The following ELOVL2 variants were observed in gnomAD, a reference collection of about 807,000 sequenced individuals.
ELOVL2 encodes the protein ELOVL fatty acid elongase 2.
A neutral mutation model predicts 37.7 loss-of-function variants in ELOVL2; 38 were observed. That is an observed-to-expected ratio of 1.01 (90% CI 0.78 to 1.32). The LOEUF (loss-of-function observed/expected upper bound fraction) is 1.32. Among genes scored for constraint, ELOVL2 ranks in the 40% most tolerant of loss-of-function variants. ELOVL2 has a pLI of 0.00. For synonymous variants in ELOVL2, 115 were observed against 122.3 expected, an observed-to-expected ratio of 0.94 and a Z score of 0.40; for missense variants, 352 against 363.6, an observed-to-expected ratio of 0.97 and a Z score of 0.26.
chr6:11,001,881 CT>C (rs1215786886), intron 3 of ELOVL2, among the ~76,000 whole-genome samples: 1 of 152,208 alleles, frequency 6.6e-6, no homozygotes, highest in Non-Finnish European at 1.5e-5. Context: ...GACTAAATCA[CT>C]TCAAAATATA....
chr6:10,995,664 C>T (rs1404366646), intron 4 of ELOVL2, among the ~76,000 whole-genome samples: 1 of 152,230 alleles, frequency 6.6e-6, no homozygotes, highest in Non-Finnish European at 1.5e-5. Flanking sequence ...TCTGGAACTT[C>T]ACCCAGCCCT....
chr6:11,042,278 A>C (rs1204040029), intron 1 of ELOVL2, among the ~76,000 whole-genome samples: 1 of 152,132 alleles, frequency 6.6e-6, no homozygotes. Flanking sequence ...GCATCACTGC[A>C]TGCCAGCCTG....
chr6:11,005,692 C>G (rs1286926983), intron 2 of ELOVL2, 133 bp from the exon 3 acceptor site: 1 of 730,080 alleles, frequency 1.4e-6, no homozygotes, highest in African/African-American at 1.8e-5. Flanking sequence ...GGTAGGCTGG[C>G]CTGGGTTTAG....
chr6:11,006,216 C>G (rs140437695), intron 2 of ELOVL2, among the ~76,000 whole-genome samples: 1 of 152,194 alleles, frequency 6.6e-6, no homozygotes, highest in African/African-American at 2.4e-5. Flanking sequence ...AGAGGCAAAG[C>G]CTGGGAGCTG....
intron 1 of ELOVL2, among the ~76,000 whole-genome samples, chr6:11,030,781 C>T (rs1326781778): frequency 6.6e-6 from 1 of 152,130 alleles, no homozygotes; most frequent in African/African-American, 2.4e-5. Context: ...CGTGAGCCAC[C>T]GTGCCCGGCC....
At chr6:11,036,668 G>T (rs1243822264) in intron 1 of ELOVL2, among the ~76,000 whole-genome samples, 1 of 152,142 alleles carries the variant, frequency 6.6e-6, no homozygotes, top group African/African-American at 2.4e-5. Flanking sequence ...GGAAGCTACA[G>T]ATCCAAGAGA....
At chr6:11,039,629 T>C (rs953980023) in intron 1 of ELOVL2, among the ~76,000 whole-genome samples, 1 of 152,194 alleles carries the variant, frequency 6.6e-6, no homozygotes, top group African/African-American at 2.4e-5. Flanking sequence ...TAAATAGTCA[T>C]ATAATTTCTC....
In ELOVL2 at chr6:10,982,401, T is replaced by C. The variant is rs1781954305; in HGVS notation, c.*1380A>G. 6.6e-6 allele frequency: 1 copy of C among 152,004 alleles called. No homozygotes were observed. Among genetic ancestry groups the C allele is most frequent in the Non-Finnish European group, 1.5e-5 (1 of 67,996 alleles). 9.4% of individuals were successfully genotyped at this position (152,004 alleles called of 1,614,324 possible). A position where few individuals can be genotyped will look rare whatever the true frequency, so the allele number is the denominator to read the frequency against. The stretch of plus-strand genomic sequence containing the variant: ...GATGTCAGTGTCAGGACCTAAAAAC[T>C]TATTTAAAAAAATAAGGCAGGAGAG... On this transcript the variant is annotated 3_prime_UTR_variant, in exon 8 of 8. Coordinates refer to ENST00000354666, the MANE Select transcript of ELOVL2 (RefSeq NM_017770.4).
Position 11,044,218 on chromosome 6 carries a change from C to A in ELOVL2, c.3+10G>T. On this transcript the variant is annotated intron_variant, in intron 1 of 7. Transcript: ENST00000354666. This position sits in a 1 kb window ranked among gnomAD's most constrained non-coding sequence, Gnocchi z 5.6. ...CGGCGGTGTCGGTGGCGGCGCGCGG[C>A]CCCACTCACCATGATCCGCAGCGGC... is the stretch of plus-strand genomic sequence containing the variant. 1 of 1,432,034 alleles carries A rather than the reference C, an allele frequency of 7.0e-7. No individual in the cohort carries two copies. Among genetic ancestry groups the A allele is most frequent in the South Asian group, 1.5e-5 (1 of 67,704 alleles). 88.7% of individuals were successfully genotyped at this position (1,432,034 alleles called of 1,614,324 possible). A position where few individuals can be genotyped will look rare whatever the true frequency, so the allele number is the denominator to read the frequency against.
chr6:11,009,743 C>T (rs1782540404), intron 2 of ELOVL2, among the ~76,000 whole-genome samples: 1 of 152,166 alleles, frequency 6.6e-6, no homozygotes, highest in Admixed American at 6.5e-5. Context: ...GGTTAGACAG[C>T]CCAAGGGTGC....
intron 1 of ELOVL2, among the ~76,000 whole-genome samples, chr6:11,024,673 T>C (rs556217296): frequency 2.0e-5 from 3 of 152,332 alleles, no homozygotes; most frequent in Non-Finnish European, 2.9e-5. Flanking sequence ...GTAGGCAGAG[T>C]GCCAATTCAT....
chr6:10,995,869 C>T (rs1462815517), intron 4 of ELOVL2, among the ~76,000 whole-genome samples: 1 of 152,170 alleles, frequency 6.6e-6, no homozygotes, highest in Non-Finnish European at 1.5e-5. Context: ...TTATTTGTTA[C>T]ATTAAATTAT....
chr6:11,011,909 A>G (rs1456837064), intron 1 of ELOVL2, among the ~76,000 whole-genome samples: 1 of 152,206 alleles, frequency 6.6e-6, no homozygotes, highest in African/African-American at 2.4e-5. Context: ...AGGTGGGGCC[A>G]GCGGGTTGGT....
At chr6:10,995,248 G>T (rs773233724) in intron 4 of ELOVL2, 70 bp from the exon 5 acceptor site, 18 of 1,183,616 alleles carry the variant, frequency 1.5e-5, no homozygotes, top group Non-Finnish European at 2.0e-5. Flanking sequence ...CCACTGCTCG[G>T]CCTTCTGCCT....
At chr6:10,993,193 A>G (rs1212830911) in intron 5 of ELOVL2, among the ~76,000 whole-genome samples, 1 of 152,364 alleles carries the variant, frequency 6.6e-6, no homozygotes. Context: ...TTTATGCAAC[A>G]AAATAGGTAA....
chr6:10,991,507 A>T (rs1483041421), intron 5 of ELOVL2, among the ~76,000 whole-genome samples: 1 of 152,198 alleles, frequency 6.6e-6, no homozygotes, highest in Non-Finnish European at 1.5e-5. Flanking sequence ...GGATGAAATT[A>T]ACTGAGATAA....
At chr6:11,012,895 A>G (rs1240308977) in intron 1 of ELOVL2, among the ~76,000 whole-genome samples, 1 of 152,224 alleles carries the variant, frequency 6.6e-6, no homozygotes, top group Non-Finnish European at 1.5e-5. Context: ...ACAAATAAAT[A>G]AAAAAATTGC....
chr6:11,043,260 T>C (rs1252094019), intron 1 of ELOVL2, among the ~76,000 whole-genome samples: 2 of 152,086 alleles, frequency 1.3e-5, no homozygotes, highest in African/African-American at 4.8e-5. Context: ...AAACACTGAA[T>C]ATGGACCACT....
At chr6:10,996,713 C>T (rs528060152) in intron 4 of ELOVL2, among the ~76,000 whole-genome samples, 5 of 149,714 alleles carry the variant, frequency 3.3e-5, no homozygotes, top group African/African-American at 1.2e-4. Flanking sequence ...CGTGGAGGCT[C>T]ACGCCTGTAA....
Sources: gnomAD v4.1 joint callset for allele counts (sites outside exome capture counted in the v4.1 genomes callset) on GRCh38, gnomAD v4.1.1 for gene constraint, Gnocchi (gnomAD v3.1) non-coding constraint, MANE v1.5 for transcripts, NCBI Gene and HGNC (gene_info 2026-07-23, HGNC 2026-07-21) for gene names.